Variants in DPP6 observed in about 807,000 individuals in gnomAD.
DPP6 encodes the protein dipeptidyl peptidase like 6.
DPP6 carries 69 observed loss-of-function variants against 122.6 expected under a neutral mutation model. The observed-to-expected ratio is 0.56, with a 90% CI of 0.46 to 0.69. The LOEUF (loss-of-function observed/expected upper bound fraction) is 0.69. Among genes scored for constraint, DPP6 ranks in the 30% least tolerant of loss-of-function variants. The pLI, the probability that DPP6 is intolerant of heterozygous loss-of-function variation, is 0.00. For missense variants in DPP6, 928 were observed against 1,116.9 expected (o/e 0.83, Z 2.41); for synonymous variants, 418 against 433.1 (o/e 0.97, Z 0.43).
intron 1 of DPP6, among the ~76,000 whole-genome samples, chr7:153,989,525 A>G (rs1797045171): frequency 6.6e-6 from 1 of 151,722 alleles, no homozygotes; most frequent in Admixed American, 6.6e-5. Context: ...CACCTTGCCA[A>G]GGTATGCCAG....
At chr7:154,767,274 T>C (rs1795964963) in intron 8 of DPP6, among the ~76,000 whole-genome samples, 1 of 152,194 alleles carries the variant, frequency 6.6e-6, no homozygotes. Context: ...CCAGGGACTC[T>C]ACTCCAGCCC....
the DPP6 span, among the ~76,000 whole-genome samples, chr7:153,844,438 T>C: frequency 1.3e-5 from 2 of 152,206 alleles, no homozygotes; most frequent in Non-Finnish European, 2.9e-5. Flanking sequence ...ATTTTACCCA[T>C]TGAATGGGGT....
intron 1 of DPP6, among the ~76,000 whole-genome samples, chr7:153,899,185 C>G (rs1799535540): frequency 6.6e-6 from 1 of 150,996 alleles, no homozygotes; most frequent in South Asian, 2.1e-4. Flanking sequence ...TCTCCTCTTC[C>G]TCTTCCTTCT....
chr7:154,731,004 G>T (rs1484046594), intron 8 of DPP6, among the ~76,000 whole-genome samples: 1 of 152,216 alleles, frequency 6.6e-6, no homozygotes, highest in African/African-American at 2.4e-5. Flanking sequence ...AGTTGATGTG[G>T]CAGCTTAATC....
rs1800053864 is a variant in DPP6, at chr7:154,825,072, G to A, written c.1666+17960G>A. The stretch of plus-strand genomic sequence containing the variant: ...TGAAAAATATTTCTTTTGGCGAAAT[G>A]AAACACCTGCAGGCCACATCTGGTC... On this transcript the variant is annotated intron_variant, in intron 16 of 25. Coordinates refer to ENST00000377770, the MANE Select transcript of DPP6 (RefSeq NM_130797.4). 2.6e-5 allele frequency among the ~76,000 whole-genome samples: 4 copies of A among 152,194 alleles called. No homozygotes were observed. In the South Asian group the frequency reaches 8.3e-4, roughly 32 times the overall value.
At chr7:154,785,391 T>TTTA (rs1267023294) in intron 10 of DPP6, among the ~76,000 whole-genome samples, 1 of 152,230 alleles carries the variant, frequency 6.6e-6, no homozygotes, top group East Asian at 1.9e-4. Flanking sequence ...TTTAGTCTTA[T>TTTA]TTATTGTCTT....
chr7:154,884,101 T>TGCTCACAC (rs1563324309), intron 21 of DPP6: 8 of 57,344 alleles, frequency 1.4e-4, no homozygotes, highest in East Asian at 9.4e-4. Flanking sequence ...TGCTCACCCA[T>TGCTCACAC]ACACATGCTC....
intron 1 of DPP6, among the ~76,000 whole-genome samples, chr7:153,963,893 C>T (rs970461041): frequency 6.6e-6 from 1 of 152,198 alleles, no homozygotes; most frequent in Admixed American, 6.5e-5. Flanking sequence ...TGGTTGAGCT[C>T]TGAGACTTGG....
intron 7 of DPP6, among the ~76,000 whole-genome samples, chr7:154,678,349 G>C (rs1163761175): frequency 6.6e-6 from 1 of 152,060 alleles, no homozygotes; most frequent in Non-Finnish European, 1.5e-5. Flanking sequence ...TGTATGAGCT[G>C]TAACACTCAC....
At chr7:154,565,202 C>T (rs1276433621) in intron 4 of DPP6, among the ~76,000 whole-genome samples, 1 of 152,152 alleles carries the variant, frequency 6.6e-6, no homozygotes, top group African/African-American at 2.4e-5. Context: ...GATCATTTGA[C>T]TAAAATGTTT....
At chr7:153,897,481 A>T (rs573774217) in intron 1 of DPP6, among the ~76,000 whole-genome samples, 118 of 152,348 alleles carry the variant, frequency 7.7e-4, no homozygotes, top group Non-Finnish European at 1.3e-3. Context: ...TTCGGAAGAT[A>T]CATATACATA....
At chr7:154,694,703 G>A (rs1345663772) in intron 7 of DPP6, among the ~76,000 whole-genome samples, 1 of 152,190 alleles carries the variant, frequency 6.6e-6, no homozygotes, top group African/African-American at 2.4e-5. Context: ...TGATGTAAGT[G>A]ATGAAGATGA....
chr7:153,805,869 G>A, the DPP6 span, among the ~76,000 whole-genome samples: 3,025 of 151,868 alleles, frequency 0.02, 143 homozygotes, highest in African/African-American at 0.07. Flanking sequence ...GGGGACTGGC[G>A]GAGGGATAGC....
At chr7:154,034,015 G>C (rs771304999) in intron 1 of DPP6, among the ~76,000 whole-genome samples, 1 of 152,180 alleles carries the variant, frequency 6.6e-6, no homozygotes, top group Non-Finnish European at 1.5e-5. Flanking sequence ...TTGGTAGAAG[G>C]CTCATTGAGA....
rs1466761379 is a variant in DPP6 at position 154,637,880 on chromosome 7, G to C, written c.680+7G>C. 1 of 1,568,266 alleles carries C rather than the reference G, an allele frequency of 6.4e-7. No individual in the cohort carries two copies. Among genetic ancestry groups the C allele is most frequent in the Admixed American group, 1.9e-5 (1 of 52,918 alleles). On this transcript the variant is annotated splice_region_variant and intron_variant, in intron 6 of 25. Coordinates refer to ENST00000377770, the MANE Select transcript of DPP6 (RefSeq NM_130797.4). ...TGAGCAAAATTCCTCATGGGTAAGA[G>C]TGTTCTTTTCTTTCTTTTAATTAGA...
At chr7:154,161,422 A>T (rs1426478391) in intron 1 of DPP6, among the ~76,000 whole-genome samples, 1 of 152,168 alleles carries the variant, frequency 6.6e-6, no homozygotes, top group East Asian at 1.9e-4. Context: ...GCTTGAACCC[A>T]GGAGGCAGAG....
At chr7:154,530,222 A>T (rs1221184756) in intron 3 of DPP6, among the ~76,000 whole-genome samples, 1 of 152,154 alleles carries the variant, frequency 6.6e-6, no homozygotes, top group Non-Finnish European at 1.5e-5. Context: ...CTGTGAAGAG[A>T]TATCCATCTG....
intron 1 of DPP6, among the ~76,000 whole-genome samples, chr7:154,184,556 C>T (rs1798259435): frequency 1.3e-5 from 2 of 151,978 alleles, no homozygotes; most frequent in Non-Finnish European, 2.9e-5. Flanking sequence ...CACACACCTC[C>T]GACCTCCGAC....
intron 1 of DPP6, among the ~76,000 whole-genome samples, chr7:154,268,445 G>A (rs1803576856): frequency 6.6e-6 from 1 of 152,148 alleles, no homozygotes; most frequent in African/African-American, 2.4e-5. Flanking sequence ...ATGGTGGATG[G>A]GACTAGAGGT....
Sources: allele counts gnomAD v4.1 joint callset (sites outside exome capture counted in the v4.1 genomes callset), GRCh38; gene constraint gnomAD v4.1.1; transcripts MANE v1.5; gene names NCBI Gene and HGNC (gene_info 2026-07-23, HGNC 2026-07-21).